CADM2: variants seen among roughly 807,000 people sequenced by gnomAD.
CADM2 encodes the protein cell adhesion molecule 2, also known as immunoglobulin superfamily member 4D.
In CADM2, 12 loss-of-function variants were observed where a neutral mutation model predicts 49.8. That is an observed-to-expected ratio of 0.24 (90% confidence interval 0.15 to 0.39). The LOEUF (loss-of-function observed/expected upper bound fraction) is 0.39. Among genes scored for constraint, CADM2 ranks in the 10% least tolerant of loss-of-function variants. The pLI, the probability that CADM2 is intolerant of heterozygous loss-of-function variation, is 1.00. For missense variants in CADM2, 378 were observed against 492.3 expected, an observed-to-expected ratio of 0.77 and a Z score of 2.20; for synonymous variants, 214 against 175.4, an observed-to-expected ratio of 1.22 and a Z score of -1.74.
In CADM2 at chr3:85,314,307, C is replaced by G. The variant is rs555059111; in HGVS notation, c.61+354639C>G. 2.0e-4 allele frequency among the ~76,000 whole-genome samples: 31 copies of G among 151,662 alleles called. No homozygotes were observed. In the South Asian group the frequency reaches 6.4e-3, roughly 31 times the overall value. On this transcript the variant is annotated intron_variant, in intron 1 of 9. Transcript: ENST00000383699. ...TTAATGTACATATAGACCAGTATTG[C>G]TTTATGCACGTTTTTTTCTTATTAA... is the stretch of plus-strand genomic sequence containing the variant.
intron 1 of CADM2, among the ~76,000 whole-genome samples, chr3:85,676,079 A>T (rs2065879041): frequency 6.6e-6 from 1 of 152,176 alleles, no homozygotes; most frequent in Admixed American, 6.5e-5. Flanking sequence ...ATGGCTATTG[A>T]CACCACAGCA....
chr3:86,028,908 T>C (rs1306738782), intron 8 of CADM2, among the ~76,000 whole-genome samples: 3 of 152,140 alleles, frequency 2.0e-5, no homozygotes, highest in Non-Finnish European at 2.9e-5. Flanking sequence ...TGCCCTTTTA[T>C]AGCATGATTT....
intron 1 of CADM2, among the ~76,000 whole-genome samples, chr3:85,371,591 C>T (rs1336506828): frequency 1.4e-5 from 2 of 146,450 alleles, no homozygotes; most frequent in African/African-American, 5.0e-5. Context: ...CAGAACCTAT[C>T]TTCATCATAA....
intron 1 of CADM2, among the ~76,000 whole-genome samples, chr3:85,089,554 T>C (rs965243053): frequency 3.9e-5 from 6 of 152,158 alleles, no homozygotes; most frequent in African/African-American, 1.4e-4. Flanking sequence ...ATAAACGTAA[T>C]TAAATTTATA....
chr3:85,382,964 A>G (rs1396509116), intron 1 of CADM2, among the ~76,000 whole-genome samples: 1 of 152,160 alleles, frequency 6.6e-6, no homozygotes, highest in East Asian at 1.9e-4. Context: ...TTGTGGACCA[A>G]CTGTAACCTA....
At chr3:85,923,787 A>G (rs73132631) in intron 6 of CADM2, among the ~76,000 whole-genome samples, 1 of 152,342 alleles carries the variant, frequency 6.6e-6, no homozygotes, top group Non-Finnish European at 1.5e-5. Context: ...GCCAATAATC[A>G]GCTCCCTGTG....
chr3:85,510,201 T>G (rs956175501), intron 1 of CADM2, among the ~76,000 whole-genome samples: 1 of 151,996 alleles, frequency 6.6e-6, no homozygotes, highest in Non-Finnish European at 1.5e-5. Flanking sequence ...TAAGGAGCTA[T>G]GTGTATCTAA....
intron 8 of CADM2, among the ~76,000 whole-genome samples, chr3:85,981,861 G>C (rs538668537): frequency 1.4e-4 from 21 of 151,544 alleles, no homozygotes; most frequent in African/African-American, 4.6e-4. Context: ...TATTCTTTTG[G>C]GTATATACTC....
intron 1 of CADM2, among the ~76,000 whole-genome samples, chr3:85,406,725 G>A (rs77973348): frequency 0.014 from 2,090 of 151,866 alleles, 120 homozygotes; most frequent in South Asian, 0.11. Context: ...TTTCATACTC[G>A]GTCACAAAAC....
At chr3:85,671,653 C>T (rs1225956089) in intron 1 of CADM2, among the ~76,000 whole-genome samples, 2 of 152,126 alleles carry the variant, frequency 1.3e-5, no homozygotes, top group African/African-American at 4.8e-5. Flanking sequence ...TTTTTCCTAG[C>T]TCTTAAAGAC....
At chr3:85,994,227 C>A (rs188921682) in intron 8 of CADM2, 2 of 152,320 alleles carry the variant, frequency 1.3e-5, no homozygotes, top group African/African-American at 4.8e-5. Context: ...TCACCTTGCA[C>A]TTCTATGTTC....
intron 3 of CADM2, among the ~76,000 whole-genome samples, chr3:85,854,593 C>T (rs947981572): frequency 6.6e-6 from 1 of 151,934 alleles, no homozygotes; most frequent in Non-Finnish European, 1.5e-5. Context: ...AACGCATGGA[C>T]ACATGGAGGG....
At chr3:85,573,169 A>G (rs956002329) in intron 1 of CADM2, among the ~76,000 whole-genome samples, 3 of 75,738 alleles carry the variant, frequency 4.0e-5, no homozygotes, top group Non-Finnish European at 6.3e-5. Flanking sequence ...TTATTTATTT[A>G]TTTATTTATT....
chr3:85,916,814 C>T (rs2108492665), intron 6 of CADM2, among the ~76,000 whole-genome samples: 3 of 152,206 alleles, frequency 2.0e-5, no homozygotes, highest in African/African-American at 7.2e-5. Flanking sequence ...TCTATTTCTC[C>T]ATATCCTCTC....
intron 3 of CADM2, among the ~76,000 whole-genome samples, chr3:85,878,910 G>C (rs1712326604): frequency 6.6e-6 from 1 of 151,860 alleles, no homozygotes; most frequent in African/African-American, 2.4e-5. Flanking sequence ...CACAGGAGGT[G>C]GGTAACGTAT....
At chr3:85,971,001 A>G (rs543812112) in intron 8 of CADM2, among the ~76,000 whole-genome samples, 15 of 151,770 alleles carry the variant, frequency 9.9e-5, no homozygotes, top group African/African-American at 3.4e-4. Flanking sequence ...ACAGTTTTTA[A>G]TCATAAGGAT....
chr3:84,963,307 A>G (rs1247174145), intron 1 of CADM2, among the ~76,000 whole-genome samples: 1 of 152,220 alleles, frequency 6.6e-6, no homozygotes, highest in African/African-American at 2.4e-5. Flanking sequence ...CAGTAGATCC[A>G]GTTCAATTGC....
chr3:85,392,915 T>C (rs1413181543), intron 1 of CADM2, among the ~76,000 whole-genome samples: 2 of 152,076 alleles, frequency 1.3e-5, no homozygotes, highest in African/African-American at 4.8e-5. Flanking sequence ...AATTTTCTTT[T>C]TCTGTGTTGT....
chr3:85,104,886 A>G (rs908785260), intron 1 of CADM2, among the ~76,000 whole-genome samples: 7 of 152,146 alleles, frequency 4.6e-5, no homozygotes, highest in African/African-American at 9.7e-5. Flanking sequence ...TTATTGGTGT[A>G]TAAGAATGCT....
Sources: gnomAD v4.1 joint callset for allele counts (sites outside exome capture counted in the v4.1 genomes callset) on GRCh38, gnomAD v4.1.1 for gene constraint, MANE v1.5 for transcripts, NCBI Gene and HGNC (gene_info 2026-07-23, HGNC 2026-07-21) for gene names.